ERG: variants seen among roughly 807,000 people sequenced by gnomAD.
ERG encodes the protein transcriptional regulator ERG.
Under a neutral mutation model 55.3 loss-of-function variants are expected in ERG, and 9 were observed. The ratio of observed to expected loss-of-function variants is 0.16; its 90% CI spans 0.10 to 0.28. ERG has a LOEUF of 0.28. ERG is among the 10% of genes least tolerant of loss of function. ERG has a pLI of 1.00. For synonymous variants in ERG, 223 were observed against 237.3 expected, an observed-to-expected ratio of 0.94 and a Z score of 0.55; for missense variants, 434 against 631.6, an observed-to-expected ratio of 0.69 and a Z score of 3.35.
chr21:38,490,379 A>T (rs373129758), intron 1 of ERG, among the ~76,000 whole-genome samples: 1 of 152,216 alleles, frequency 6.6e-6, no homozygotes, highest in East Asian at 1.9e-4. Context: ...TGTGTGCCAT[A>T]TACAGTTCTG....
In ERG at chr21:38,605,152, A is replaced by G. The variant is rs117999064; in HGVS notation, c.-149-20207T>C. 8.9e-3 allele frequency among the ~76,000 whole-genome samples: 1,349 copies of G among 152,272 alleles called. 9 individuals are homozygous for G. The highest frequency in any genetic ancestry group is 0.015 in the Non-Finnish European group (1,034 of 68,024). On this transcript the variant is annotated intron_variant, in intron 1 of 10. Coordinates refer to the ERG transcript ENST00000398910. ...CCTTCCCCACTTCTGTCCACTTTTTAAACCATCAAAAAGCTATCTATACTA... is the reference window on the plus strand; with the variant it reads ...CCTTCCCCACTTCTGTCCACTTTTTGAACCATCAAAAAGCTATCTATACTA...
In ERG at chr21:38,402,712, C is replaced by CAAAA. The variant is rs759434219; in HGVS notation, c.593-79_593-76dup. On this transcript the variant is annotated intron_variant, in intron 4 of 9. Coordinates refer to ENST00000288319, the MANE Select transcript of ERG (RefSeq NM_182918.4). ...GAGAGAAAGAGAATTACCTTTCTTACAAAAAAAAAAAAAAAAAAAGAAAGA... is the reference window on the plus strand; with the variant it reads ...GAGAGAAAGAGAATTACCTTTCTTACAAAAAAAAAAAAAAAAAAAAAAAGAAAGA... The CAAAA allele has an allele frequency of 4.2e-4, 69 of 164,742 alleles. 1 individual carries two copies. The highest frequency in any genetic ancestry group is 5.5e-4 in the East Asian group (5 of 9,082). The allele number at this position is 164,742 out of a possible 1,614,324, so 10.2% of individuals were successfully genotyped here. A position where few individuals can be genotyped will look rare whatever the true frequency, so the allele number is the denominator to read the frequency against.
chr21:38,537,101 T>C (rs1022499473), intron 2 of ERG, among the ~76,000 whole-genome samples: 2 of 152,052 alleles, frequency 1.3e-5, no homozygotes, highest in Non-Finnish European at 1.5e-5. Context: ...GGTATACATA[T>C]GCAAAAGAAA....
At chr21:38,598,043 G>A (rs2060142514) in intron 1 of ERG, among the ~76,000 whole-genome samples, 1 of 152,142 alleles carries the variant, frequency 6.6e-6, no homozygotes. Context: ...CAGAGTCACT[G>A]GGCTCCCTAG....
At position 38,489,515 on chromosome 21, in the gene ERG, G is replaced by A. The variant is rs1015298561; in HGVS notation, c.18+8848C>T. Among the ~76,000 whole-genome samples, 7 of 152,224 alleles carry A rather than the reference G, an allele frequency of 4.6e-5. 1 individual carries two copies. Among genetic ancestry groups the A allele is most frequent in the African/African-American group, 9.6e-5 (4 of 41,454 alleles). Reference sequence around the variant, plus strand: ...AACAAAACTATCTATGTTAATTCAGGTTGGTAGAATGAGTAATTCACAAAG... The same window carrying A: ...AACAAAACTATCTATGTTAATTCAGATTGGTAGAATGAGTAATTCACAAAG... On this transcript the variant is annotated intron_variant, in intron 1 of 9. Transcript: ENST00000288319.
intron 1 of ERG, among the ~76,000 whole-genome samples, chr21:38,458,697 C>T (rs10154182): frequency 0.14 from 21,888 of 152,114 alleles, 1,684 homozygotes; most frequent in South Asian, 0.21. Context: ...AAGCAAGAGT[C>T]GTGTGTTGGT....
chr21:38,587,245 C>T (rs1445046575), upstream of ERG, among the ~76,000 whole-genome samples: 1 of 152,140 alleles, frequency 6.6e-6, no homozygotes, highest in African/African-American at 2.4e-5. Context: ...ATTCTTTTCC[C>T]ATCCAGTCAT....
Position 38,495,396 on chromosome 21 carries a change from G to A in ERG, c.18+2967C>T, listed in dbSNP as rs115793455. ...CAAGTCATGGAAATAGCACTAGGGTGCCCTCAGGTCTCCACCAAGCCTTGT... is the reference window on the plus strand; with the variant it reads ...CAAGTCATGGAAATAGCACTAGGGTACCCTCAGGTCTCCACCAAGCCTTGT... On this transcript the variant is annotated intron_variant, in intron 1 of 9. Transcript: ENST00000288319. Among the ~76,000 whole-genome samples, 764 of 152,334 alleles carry A rather than the reference G, an allele frequency of 5.0e-3. 15 individuals carry two copies. Among genetic ancestry groups the A allele is most frequent in the African/African-American group, 0.017 (721 of 41,586 alleles).
At chr21:38,562,488 C>T (rs1456233045) in intron 2 of ERG, among the ~76,000 whole-genome samples, 1 of 152,132 alleles carries the variant, frequency 6.6e-6, no homozygotes, top group Admixed American at 6.5e-5. Context: ...ATCTCAAGGC[C>T]TGCCCTAGAC....
At chr21:38,486,957 G>C (rs564843005) in intron 1 of ERG, among the ~76,000 whole-genome samples, 1 of 152,154 alleles carries the variant, frequency 6.6e-6, no homozygotes, top group South Asian at 2.1e-4. Context: ...TTATTATCAT[G>C]ACTGACTCTC....
intron 2 of ERG, among the ~76,000 whole-genome samples, chr21:38,535,482 A>G (rs1350797960): frequency 6.6e-6 from 1 of 152,214 alleles, no homozygotes; most frequent in Non-Finnish European, 1.5e-5. Flanking sequence ...AGCACCTATC[A>G]CTTACCAAAC....
At chr21:38,560,089 T>G (rs890321769) in intron 2 of ERG, among the ~76,000 whole-genome samples, 1 of 152,210 alleles carries the variant, frequency 6.6e-6, no homozygotes, top group African/African-American at 2.4e-5. Flanking sequence ...AGAAGCCATT[T>G]TAGGTCATGA....
chr21:38,403,479 C>T, intron 4 of ERG, 27 bp downstream of exon 4: 1 of 1,609,628 alleles, frequency 6.2e-7, no homozygotes, highest in South Asian at 1.1e-5. Flanking sequence ...CCACAGCCAT[C>T]TATCCTTGGA....
At chr21:38,411,560 G>T (rs534826122) in intron 3 of ERG, among the ~76,000 whole-genome samples, 1 of 152,110 alleles carries the variant, frequency 6.6e-6, no homozygotes, top group Non-Finnish European at 1.5e-5. Flanking sequence ...CACCCACCTC[G>T]GCCTCCCAAA....
At chr21:38,627,006 G>C (rs191392047) in intron 1 of ERG, among the ~76,000 whole-genome samples, 173 of 152,108 alleles carry the variant, frequency 1.1e-3, no homozygotes, top group Admixed American at 3.3e-3. Context: ...TAAAAACACT[G>C]TAGGTCACTT....
intron 2 of ERG, among the ~76,000 whole-genome samples, chr21:38,548,450 A>AT (rs879449636): frequency 0.1 from 14,666 of 141,530 alleles, 996 homozygotes; most frequent in Admixed American, 0.17. Context: ...TTATCATATG[A>AT]TTTTTTTTTT....
chr21:38,385,227 C>T (rs980855985), intron 9 of ERG, among the ~76,000 whole-genome samples: 3 of 152,156 alleles, frequency 2.0e-5, no homozygotes, highest in Admixed American at 1.3e-4. Flanking sequence ...CAGCAGTATC[C>T]GTACCAAGAG....
chr21:38,555,483 T>C (rs1387008228), intron 2 of ERG, among the ~76,000 whole-genome samples: 2 of 152,088 alleles, frequency 1.3e-5, no homozygotes, highest in Admixed American at 6.5e-5. Context: ...AGAAAATATA[T>C]GAAACACATT....
chr21:38,480,597 T>G (rs983491532), intron 1 of ERG, among the ~76,000 whole-genome samples: 10 of 140,048 alleles, frequency 7.1e-5, no homozygotes, highest in African/African-American at 2.6e-4. Flanking sequence ...TGGCCTTTTT[T>G]TTTTTTTTTT....
Sources: gnomAD v4.1 joint callset for allele counts (sites outside exome capture counted in the v4.1 genomes callset) on GRCh38, gnomAD v4.1.1 for gene constraint, MANE v1.5 for transcripts, NCBI Gene and HGNC (gene_info 2026-07-23, HGNC 2026-07-21) for gene names.